METTL8: variants seen among roughly 807,000 people sequenced by gnomAD.
The protein encoded by METTL8 is methyltransferase 8, tRNA N3-cytidine.
A neutral mutation model predicts 48.7 loss-of-function variants in METTL8; 32 were observed. The observed-to-expected ratio is 0.66, with a 90% confidence interval of 0.50 to 0.88. METTL8 has a LOEUF of 0.88. METTL8 is among the 40% of genes least tolerant of loss of function. The pLI, the probability that METTL8 is intolerant of heterozygous loss-of-function variation, is 0.00. For missense variants in METTL8, 464 were observed against 474.4 expected, an observed-to-expected ratio of 0.98 and a Z score of 0.20; for synonymous variants, 136 against 157.1, an observed-to-expected ratio of 0.87 and a Z score of 1.01.
At chr2:171,377,214 T>C (rs991916535) in intron 2 of METTL8, among the ~76,000 whole-genome samples, 1 of 152,154 alleles carries the variant, frequency 6.6e-6, no homozygotes, top group Non-Finnish European at 1.5e-5. Flanking sequence ...GATCAAAGAT[T>C]TAAATCTAAG....
At chr2:171,341,269 A>C (rs1686728677) in intron 3 of METTL8, among the ~76,000 whole-genome samples, 3 of 151,192 alleles carry the variant, frequency 2.0e-5, no homozygotes. Context: ...CGGAGGTTGC[A>C]GTGAGCCGAG....
intron 2 of METTL8, among the ~76,000 whole-genome samples, chr2:171,369,076 T>TA (rs35562852): frequency 0.27 from 40,858 of 151,848 alleles, 5,915 homozygotes; most frequent in African/African-American, 0.34. Context: ...GAGGCCAAGG[T>TA]AGGCGGATCA....
intron 1 of METTL8, among the ~76,000 whole-genome samples, chr2:171,398,436 A>G (rs1485119192): frequency 6.6e-6 from 1 of 152,166 alleles, no homozygotes; most frequent in East Asian, 1.9e-4. Flanking sequence ...TTCCTCTTAT[A>G]TGAGGTTCCT....
intron 3 of METTL8, among the ~76,000 whole-genome samples, chr2:171,351,102 A>C (rs1421550300): frequency 9.9e-5 from 15 of 152,234 alleles, no homozygotes; most frequent in Non-Finnish European, 5.9e-5. Context: ...TTTAGGACTA[A>C]CATTTAAGTC....
At chr2:171,420,696 G>T (rs996536367) in intron 1 of METTL8, among the ~76,000 whole-genome samples, 12 of 152,112 alleles carry the variant, frequency 7.9e-5, no homozygotes, top group Non-Finnish European at 1.2e-4. Flanking sequence ...AACAAAATGT[G>T]TCACAAAAAT....
chr2:171,359,814 A>G (rs1261112174), intron 3 of METTL8, among the ~76,000 whole-genome samples: 1 of 152,020 alleles, frequency 6.6e-6, no homozygotes, highest in African/African-American at 2.4e-5. Flanking sequence ...GGTTTTCTCG[A>G]TCTCTTGACC....
intron 3 of METTL8, among the ~76,000 whole-genome samples, chr2:171,351,726 T>C (rs1683950686): frequency 6.6e-6 from 1 of 152,236 alleles, no homozygotes. Context: ...TTTGAAGCAA[T>C]TGTGAATGGG....
At position 171,320,956 on chromosome 2, in the gene METTL8, T is replaced by C. The variant is rs1490433313; in HGVS notation, c.*3216A>G. 1 of 152,214 alleles carries C rather than the reference T, an allele frequency of 6.6e-6. No homozygotes were observed. The highest frequency in any genetic ancestry group is 1.5e-5 in the Non-Finnish European group (1 of 68,066). 9.4% of individuals were successfully genotyped at this position (152,214 alleles called of 1,614,324 possible). A position where few individuals can be genotyped will look rare whatever the true frequency, so the allele number is the denominator to read the frequency against. Reference sequence around the variant, plus strand: ...ACTAGAAGTCATACACCTGCTAGTCTAGGTTATCTACAAGCTGACCCCCTT... The same window carrying C: ...ACTAGAAGTCATACACCTGCTAGTCCAGGTTATCTACAAGCTGACCCCCTT... On this transcript the variant is annotated 3_prime_UTR_variant, in exon 10 of 10. Coordinates refer to ENST00000375258, the MANE Select transcript of METTL8 (RefSeq NM_001321154.2).
chr2:171,406,403 G>A (rs554144124), intron 1 of METTL8, among the ~76,000 whole-genome samples: 10 of 152,166 alleles, frequency 6.6e-5, no homozygotes, highest in African/African-American at 2.4e-4. Context: ...CATAGACTAG[G>A]TTGCTTAAAC....
intron 2 of METTL8, among the ~76,000 whole-genome samples, chr2:171,369,799 G>A (rs1574012061): frequency 6.6e-6 from 1 of 152,276 alleles, no homozygotes; most frequent in African/African-American, 2.4e-5. Context: ...TGGTCACGGT[G>A]GCTCACACCT....
intron 2 of METTL8, among the ~76,000 whole-genome samples, chr2:171,383,823 A>ACTAAGT (rs1354620270): frequency 2.0e-5 from 3 of 152,254 alleles, no homozygotes; most frequent in Non-Finnish European, 4.4e-5. Flanking sequence ...AAGTATAATT[A>ACTAAGT]AAAGACAATA....
chr2:171,397,025 T>C (rs1689136211), intron 1 of METTL8, among the ~76,000 whole-genome samples: 1 of 150,852 alleles, frequency 6.6e-6, no homozygotes. Flanking sequence ...TCTCCCTATG[T>C]TGCCCAGGCT....
At chr2:171,337,690 A>G (rs1256834986) in intron 4 of METTL8, among the ~76,000 whole-genome samples, 188 bp from the exon 5 acceptor site, 1 of 152,172 alleles carries the variant, frequency 6.6e-6, no homozygotes, top group Non-Finnish European at 1.5e-5. Flanking sequence ...CTATGGAAAC[A>G]TTTAAATTTT....
intron 3 of METTL8, among the ~76,000 whole-genome samples, chr2:171,357,596 A>G (rs1230012568): frequency 6.6e-6 from 1 of 152,230 alleles, no homozygotes; most frequent in Non-Finnish European, 1.5e-5. Flanking sequence ...TGTTAAAATG[A>G]CAATTCTACC....
At chr2:171,370,651 T>C (rs964074575) in intron 2 of METTL8, among the ~76,000 whole-genome samples, 1 of 151,642 alleles carries the variant, frequency 6.6e-6, no homozygotes, top group Non-Finnish European at 1.5e-5. Context: ...ATTAGCCGGG[T>C]GTGGTGGTGG....
chr2:171,373,812 G>A (rs1259732080), intron 2 of METTL8, among the ~76,000 whole-genome samples: 1 of 152,138 alleles, frequency 6.6e-6, no homozygotes, highest in Non-Finnish European at 1.5e-5. Flanking sequence ...TTATTTCTGA[G>A]GGCTCTGTTC....
intron 1 of METTL8, among the ~76,000 whole-genome samples, chr2:171,427,026 G>C (rs1692487368): frequency 6.6e-6 from 1 of 152,174 alleles, no homozygotes; most frequent in Non-Finnish European, 1.5e-5. Flanking sequence ...ATGCTGATGT[G>C]CACCTTTAAT....
chr2:171,399,316 G>T (rs865880691), intron 1 of METTL8, among the ~76,000 whole-genome samples: 24 of 152,246 alleles, frequency 1.6e-4, no homozygotes, highest in Middle Eastern at 3.4e-3. Context: ...ATGCTACCAA[G>T]TATAAAGAGG....
intron 1 of METTL8, among the ~76,000 whole-genome samples, chr2:171,411,921 AAAT>A (rs1290581883): frequency 6.6e-6 from 1 of 152,244 alleles, no homozygotes; most frequent in African/African-American, 2.4e-5. Context: ...AATGCTTAGA[AAAT>A]AATAAGTAGA....
Sources: allele counts gnomAD v4.1 joint callset (sites outside exome capture counted in the v4.1 genomes callset), GRCh38; gene constraint gnomAD v4.1.1; transcripts MANE v1.5; gene names NCBI Gene and HGNC (gene_info 2026-07-23, HGNC 2026-07-21).